The following UPF1 variants were observed in gnomAD, a reference collection of about 807,000 sequenced individuals.
The protein encoded by UPF1 is regulator of nonsense transcripts 1.
UPF1 carries 9 observed loss-of-function variants against 129.2 expected under a neutral mutation model. The ratio of observed to expected loss-of-function variants is 0.07; its 90% CI spans 0.04 to 0.12. The LOEUF is 0.12. Among genes scored for constraint, UPF1 ranks in the 10% least tolerant of loss-of-function variants. UPF1 has a pLI of 1.00. For missense variants in UPF1, 788 were observed against 1,525.3 expected, an observed-to-expected ratio of 0.52 and a Z score of 8.05; for synonymous variants, 649 against 644.9, an observed-to-expected ratio of 1.01 and a Z score of -0.10.
chr19:18,860,633 G>C (rs1289211570), intron 16 of UPF1, among the ~76,000 whole-genome samples, 193 bp from the exon 17 acceptor site: 2 of 152,186 alleles, frequency 1.3e-5, no homozygotes, highest in Non-Finnish European at 2.9e-5. Flanking sequence ...GCAGATACTT[G>C]CTAATCCCAC....
rs761246214 is a variant in UPF1, at chr19:18,865,813, GA to G, written c.3237+36del. 2 of 1,609,874 alleles carry G rather than the reference GA, an allele frequency of 1.2e-6. No individual in the cohort carries two copies. Among genetic ancestry groups the G allele is most frequent in the East Asian group, 4.5e-5 (2 of 44,866 alleles). ...CCCCTGGGACGGGACTTACCTGAGT[GA>G]GGGTGGGGCTATGCACCTGAAACAT... is the stretch of plus-strand genomic sequence containing the variant. On this transcript the variant is annotated intron_variant, in intron 22 of 23. Transcript: ENST00000262803. The surrounding 1 kb of genome is among the most constrained non-coding windows in gnomAD (Gnocchi z 6.1).
intron 3 of UPF1, 70 bp downstream of exon 3, chr19:18,847,903 T>C: frequency 6.5e-7 from 1 of 1,527,704 alleles, no homozygotes; most frequent in East Asian, 2.3e-5. Flanking sequence ...ATTATGGAAA[T>C]GTTGAAGCAA....
chr19:18,850,573 T>G lies in UPF1; in HGVS notation c.630-115T>G, dbSNP rs2055647788. On this transcript the variant is annotated intron_variant, in intron 4 of 23. Transcript: ENST00000262803. The surrounding 1 kb of genome is among the most constrained non-coding windows in gnomAD (Gnocchi z 7.1). ...ACAGTTTGAAGGTAATGTGATCACA[T>G]AATAAAATGCAGGGCATGCCCCTTT... is the stretch of plus-strand genomic sequence containing the variant. 8.4e-7 allele frequency: 1 copy of G among 1,196,362 alleles called. No individual in the cohort carries two copies. Among genetic ancestry groups the G allele is most frequent in the African/African-American group, 1.5e-5 (1 of 64,956 alleles). 74.1% of individuals were successfully genotyped at this position (1,196,362 alleles called of 1,614,324 possible). A position where few individuals can be genotyped will look rare whatever the true frequency, so the allele number is the denominator to read the frequency against.
intron 1 of UPF1, among the ~76,000 whole-genome samples, 193 bp from the exon 2 acceptor site, chr19:18,845,787 T>C (rs2055590358): frequency 6.6e-6 from 1 of 151,906 alleles, no homozygotes; most frequent in Non-Finnish European, 1.5e-5. Context: ...CCGGGGGGTG[T>C]AGAAGGCCAC....
At chr19:18,862,560 G>A (rs1216668383) in intron 18 of UPF1, among the ~76,000 whole-genome samples, 2 of 152,082 alleles carry the variant, frequency 1.3e-5, no homozygotes, top group Non-Finnish European at 2.9e-5. Flanking sequence ...ATCAGGCCAG[G>A]CATGGTGTCT....
At chr19:18,838,264 A>T (rs1230480446) in intron 1 of UPF1, among the ~76,000 whole-genome samples, 1 of 152,130 alleles carries the variant, frequency 6.6e-6, no homozygotes, top group Non-Finnish European at 1.5e-5. Context: ...ATTTGAGCTC[A>T]GGAGTTTGAG....
chr19:18,847,186 A>C (rs2055609785), intron 2 of UPF1, among the ~76,000 whole-genome samples: 1 of 152,232 alleles, frequency 6.6e-6, no homozygotes, highest in African/African-American at 2.4e-5. Context: ...TGTTCTCTTA[A>C]CACACAGAGA....
At chr19:18,846,931 T>C (rs1163884279) in intron 2 of UPF1, among the ~76,000 whole-genome samples, 1 of 151,520 alleles carries the variant, frequency 6.6e-6, no homozygotes. Flanking sequence ...GAGGCGGAGG[T>C]TGTAGTGAGC....
intron 20 of UPF1, among the ~76,000 whole-genome samples, chr19:18,864,709 A>G (rs1344167542): frequency 4.9e-5 from 7 of 141,742 alleles, no homozygotes; most frequent in Non-Finnish European, 1.1e-4. Context: ...GGCGTGAGTC[A>G]CTGCACCTGG....
intron 1 of UPF1, among the ~76,000 whole-genome samples, chr19:18,836,706 A>G (rs895778320): frequency 2.0e-5 from 3 of 152,058 alleles, no homozygotes; most frequent in African/African-American, 7.2e-5. Flanking sequence ...TTATGCCTCA[A>G]TGAAACTGGA....
intron 18 of UPF1, chr19:18,863,175 C>T (rs2055800419): frequency 4.9e-6 from 2 of 409,616 alleles, no homozygotes; most frequent in South Asian, 9.0e-5. Flanking sequence ...GACAGCAGGT[C>T]TTCTCTCCAA....
At chr19:18,859,337 CAT>C (rs755534020) in intron 15 of UPF1, 4 of 152,230 alleles carry the variant, frequency 2.6e-5, no homozygotes, top group Non-Finnish European at 4.4e-5. Context: ...GAAGTGTAAA[CAT>C]GTGGCCACAT....
intron 18 of UPF1, chr19:18,862,799 T>G (rs1039085813): frequency 6.6e-6 from 1 of 150,528 alleles, no homozygotes; most frequent in Non-Finnish European, 1.5e-5. Flanking sequence ...GCCATTACAC[T>G]CCAGCCACTG....
Position 18,851,050 on chromosome 19 carries a change from G to A in UPF1, c.810+182G>A. 1 of 679,030 alleles carries A rather than the reference G, an allele frequency of 1.5e-6. No individual in the cohort carries two copies. The highest frequency in any genetic ancestry group is 2.3e-6 in the Non-Finnish European group (1 of 441,566). The allele number at this position is 679,030 out of a possible 1,614,324, so 42.1% of individuals were successfully genotyped here. On this transcript the variant is annotated intron_variant, in intron 5 of 23. Transcript: ENST00000262803. The surrounding 1 kb of genome is among the most constrained non-coding windows in gnomAD (Gnocchi z 4.2). ...GGCACCTTGGTCACCTTCCATCCAG[G>A]CAGCCTTACCTGACCGAGAAGATCC...
intron 13 of UPF1, 58 bp from the exon 14 acceptor site, chr19:18,856,818 TC>T (rs2055723433): frequency 1.3e-6 from 2 of 1,551,096 alleles, no homozygotes; most frequent in Non-Finnish European, 1.7e-6. Flanking sequence ...CCACCTGCCC[TC>T]CGGGGTCTGG....
At chr19:18,833,567 G>T (rs188295983) in intron 1 of UPF1, among the ~76,000 whole-genome samples, 156 of 151,980 alleles carry the variant, frequency 1.0e-3, no homozygotes, top group African/African-American at 3.3e-3. Context: ...GAGAGGGGCT[G>T]GGGGGGTGGC....
chr19:18,861,873 C>T lies in UPF1; in HGVS notation c.2458-137C>T. 2.6e-6 allele frequency: 3 copies of T among 1,157,018 alleles called. No individual in the cohort carries two copies. The South Asian group carries it at 4.7e-5, about 18-fold the overall frequency. The allele number at this position is 1,157,018 out of a possible 1,614,324, so 71.7% of individuals were successfully genotyped here. A position where few individuals can be genotyped will look rare whatever the true frequency, so the allele number is the denominator to read the frequency against. ...AAATGGCAGCAGAGCCAGGACAGCC[C>T]CTAGGTGCGGTGAGCAGGCGCCAGG... On this transcript the variant is annotated intron_variant, in intron 17 of 23. Coordinates refer to ENST00000262803, the MANE Select transcript of UPF1 (RefSeq NM_002911.4).
intron 3 of UPF1, chr19:18,849,679 C>T: frequency 4.8e-6 from 1 of 209,032 alleles, no homozygotes; most frequent in South Asian, 5.9e-5. Context: ...TCAGAAGAAG[C>T]CACAGAAGAT....
intron 1 of UPF1, among the ~76,000 whole-genome samples, chr19:18,844,084 G>A (rs1339974401): frequency 1.3e-5 from 2 of 152,020 alleles, no homozygotes; most frequent in East Asian, 3.9e-4. Flanking sequence ...TCTGAGTTCT[G>A]GAGCATGTCT....
Sources: allele counts gnomAD v4.1 joint callset (sites outside exome capture counted in the v4.1 genomes callset), GRCh38; gene constraint gnomAD v4.1.1; non-coding constraint Gnocchi (gnomAD v3.1); transcripts MANE v1.5; gene names NCBI Gene and HGNC (gene_info 2026-07-23, HGNC 2026-07-21).